Variants in EXOC4 observed in about 807,000 individuals in gnomAD.
The protein encoded by EXOC4 is SEC8-like 1.
A neutral mutation model predicts 107.2 loss-of-function variants in EXOC4; 71 were observed. The observed-to-expected ratio is 0.66, with a 90% CI of 0.55 to 0.81. The LOEUF is 0.81. EXOC4 is among the 30% of genes least tolerant of loss of function. EXOC4 has a pLI of 0.00. For missense variants in EXOC4, 1,108 were observed against 1,189.6 expected, an observed-to-expected ratio of 0.93 and a Z score of 1.01; for synonymous variants, 456 against 441.2, an observed-to-expected ratio of 1.03 and a Z score of -0.42.
intron 11 of EXOC4, among the ~76,000 whole-genome samples, chr7:133,871,186 A>T (rs1798743451): frequency 6.6e-6 from 1 of 151,888 alleles, no homozygotes; most frequent in African/African-American, 2.4e-5. Context: ...TAGCAGAGTT[A>T]TTATACCTTA....
intron 9 of EXOC4, among the ~76,000 whole-genome samples, chr7:133,485,613 G>A (rs1799254904): frequency 6.6e-6 from 1 of 151,998 alleles, no homozygotes; most frequent in African/African-American, 2.4e-5. Flanking sequence ...TTCTTAATAT[G>A]TACATGTCTT....
At chr7:133,862,443 G>A (rs1485385060) in intron 11 of EXOC4, among the ~76,000 whole-genome samples, 3 of 151,950 alleles carry the variant, frequency 2.0e-5, no homozygotes, top group South Asian at 2.1e-4. Flanking sequence ...AGATCACACC[G>A]TTGCACTCCA....
chr7:133,680,793 A>ACTC (rs1445487736), intron 10 of EXOC4, among the ~76,000 whole-genome samples: 1 of 152,190 alleles, frequency 6.6e-6, no homozygotes, highest in Non-Finnish European at 1.5e-5. Flanking sequence ...AAGCAAAGAG[A>ACTC]GTAGAGAAAG....
At chr7:133,696,081 C>G (rs995164685) in intron 10 of EXOC4, among the ~76,000 whole-genome samples, 2 of 152,092 alleles carry the variant, frequency 1.3e-5, no homozygotes, top group South Asian at 2.1e-4. Flanking sequence ...TAAAGTATGC[C>G]CCGGCTGGCA....
At chr7:133,699,844 A>G (rs1794619011) in intron 10 of EXOC4, among the ~76,000 whole-genome samples, 1 of 152,342 alleles carries the variant, frequency 6.6e-6, no homozygotes, top group African/African-American at 2.4e-5. Context: ...GATTTAATGA[A>G]TAAAATTTAT....
intron 9 of EXOC4, among the ~76,000 whole-genome samples, chr7:133,555,631 G>A (rs1429047242): frequency 6.6e-6 from 1 of 152,050 alleles, no homozygotes; most frequent in Admixed American, 6.6e-5. Context: ...CCTCATTCTG[G>A]GGTAATTCTG....
intron 4 of EXOC4, among the ~76,000 whole-genome samples, chr7:133,306,465 A>G (rs1391890803): frequency 2.0e-5 from 3 of 152,134 alleles, no homozygotes; most frequent in Non-Finnish European, 2.9e-5. Context: ...TGAGAGGCTG[A>G]GGTGGAAGGA....
At chr7:133,444,589 A>G (rs1031538717) in intron 7 of EXOC4, among the ~76,000 whole-genome samples, 2 of 152,174 alleles carry the variant, frequency 1.3e-5, no homozygotes, top group Non-Finnish European at 2.9e-5. Flanking sequence ...TTAGAGAAAC[A>G]GCACTGTAGG....
chr7:133,343,272 C>A (rs1795707214), intron 5 of EXOC4, among the ~76,000 whole-genome samples: 1 of 152,032 alleles, frequency 6.6e-6, no homozygotes, highest in Non-Finnish European at 1.5e-5. Context: ...GAGAGCTGGA[C>A]TGCTGTGATT....
At chr7:133,818,611 C>T (rs1318751266) in intron 11 of EXOC4, among the ~76,000 whole-genome samples, 1 of 152,044 alleles carries the variant, frequency 6.6e-6, no homozygotes, top group Non-Finnish European at 1.5e-5. Context: ...TAGCCATGTG[C>T]CTGGTGAGGG....
At chr7:133,348,657 A>G (rs924432169) in intron 5 of EXOC4, among the ~76,000 whole-genome samples, 1 of 152,152 alleles carries the variant, frequency 6.6e-6, no homozygotes, top group African/African-American at 2.4e-5. Flanking sequence ...GTCCCCAAAC[A>G]TGCTGAATTT....
At chr7:133,639,579 T>G (rs1001447055) in intron 10 of EXOC4, among the ~76,000 whole-genome samples, 1 of 152,142 alleles carries the variant, frequency 6.6e-6, no homozygotes, top group African/African-American at 2.4e-5. Flanking sequence ...TTCAGCAAGA[T>G]AAGTGAGAAG....
intron 11 of EXOC4, among the ~76,000 whole-genome samples, chr7:133,840,098 GTAGA>G (rs1797994754): frequency 1.3e-5 from 2 of 152,166 alleles, no homozygotes; most frequent in Non-Finnish European, 2.9e-5. Context: ...ATCTAGAAAG[GTAGA>G]TAGATTCCAA....
intron 11 of EXOC4, among the ~76,000 whole-genome samples, chr7:133,879,085 A>G (rs1798909590): frequency 6.6e-6 from 1 of 152,022 alleles, no homozygotes; most frequent in African/African-American, 2.4e-5. Context: ...TTGTTTTATT[A>G]GGGGCCACAA....
In EXOC4 at chr7:133,644,606, G is replaced by A. The variant is rs868813021; in HGVS notation, c.1514+14465G>A. Reference sequence around the variant, plus strand: ...CATATTATTTCTGTTTTATAGTTGAGGCTTGGACAGTTTCTTGTTTAAAGT... The same window carrying A: ...CATATTATTTCTGTTTTATAGTTGAAGCTTGGACAGTTTCTTGTTTAAAGT... On this transcript the variant is annotated intron_variant, in intron 10 of 17. Transcript: ENST00000253861. Among the ~76,000 whole-genome samples, 30 of 152,146 alleles carry A rather than the reference G, an allele frequency of 2.0e-4. 1 individual carries two copies. Among genetic ancestry groups the A allele is most frequent in the African/African-American group, 7.2e-4 (30 of 41,428 alleles).
At chr7:133,475,281 A>G (rs753750621) in intron 7 of EXOC4, 47 bp from the exon 8 acceptor site, 2 of 1,488,606 alleles carry the variant, frequency 1.3e-6, no homozygotes, top group South Asian at 2.4e-5. Flanking sequence ...TTAATTGCAC[A>G]TTAAAAATGT....
intron 10 of EXOC4, among the ~76,000 whole-genome samples, chr7:133,772,139 A>G (rs755452794): frequency 5.3e-5 from 8 of 151,928 alleles, no homozygotes. Context: ...CTGTGAATAT[A>G]TGAGGCACGA....
chr7:133,293,697 A>G (rs1794456990), intron 3 of EXOC4, among the ~76,000 whole-genome samples: 1 of 152,200 alleles, frequency 6.6e-6, no homozygotes, highest in African/African-American at 2.4e-5. Flanking sequence ...ATGATAACCG[A>G]GTATTGCATA....
intron 10 of EXOC4, among the ~76,000 whole-genome samples, chr7:133,653,811 ATGGTG>A: frequency 6.6e-6 from 1 of 152,306 alleles, no homozygotes; most frequent in South Asian, 2.1e-4. Flanking sequence ...GATATTGAGA[ATGGTG>A]TACTCTCTGT....
Sources: gnomAD v4.1 joint callset for allele counts (sites outside exome capture counted in the v4.1 genomes callset) on GRCh38, gnomAD v4.1.1 for gene constraint, MANE v1.5 for transcripts, NCBI Gene and HGNC (gene_info 2026-07-23, HGNC 2026-07-21) for gene names.